The following CDH22 variants were observed in gnomAD, a reference collection of about 807,000 sequenced individuals.
The protein encoded by CDH22 is cadherin 22, also known as cadherin-22.
A neutral mutation model predicts 58.4 loss-of-function variants in CDH22; 30 were observed. The ratio of observed to expected loss-of-function variants is 0.51; its 90% CI spans 0.38 to 0.70. CDH22 has a LOEUF of 0.70. CDH22 is among the 30% of genes least tolerant of loss of function. The probability of loss-of-function intolerance (pLI) is 0.00; values close to 1 mark genes in which losing one functional copy is unlikely to be tolerated. For missense variants in CDH22, 1,014 were observed against 1,233.9 expected, an observed-to-expected ratio of 0.82 and a Z score of 2.67; for synonymous variants, 513 against 558.2, an observed-to-expected ratio of 0.92 and a Z score of 1.14.
intron 4 of CDH22, among the ~76,000 whole-genome samples, chr20:46,221,311 G>A (rs771821948): frequency 5.9e-4 from 80 of 134,800 alleles, no homozygotes; most frequent in Non-Finnish European, 1.2e-3. Context: ...AGCTCTAGAT[G>A]ACTGATAGAG....
intron 2 of CDH22, among the ~76,000 whole-genome samples, chr20:46,244,278 C>G (rs2086312878): frequency 6.6e-6 from 1 of 152,174 alleles, no homozygotes; most frequent in African/African-American, 2.4e-5. Flanking sequence ...AGAGCTCACG[C>G]TGGGGCCTAC....
At chr20:46,211,058 A>AG (rs1222738967) in intron 6 of CDH22, among the ~76,000 whole-genome samples, 2 of 152,216 alleles carry the variant, frequency 1.3e-5, no homozygotes, top group Non-Finnish European at 2.9e-5. Flanking sequence ...CCTGGTATGC[A>AG]GGAGTTAGCA....
intron 5 of CDH22, among the ~76,000 whole-genome samples, chr20:46,214,007 A>G (rs1310824024): frequency 6.6e-6 from 1 of 152,204 alleles, no homozygotes; most frequent in African/African-American, 2.4e-5. Context: ...GCAGTTTTAA[A>G]TAGGCTGATC....
intron 2 of CDH22, among the ~76,000 whole-genome samples, chr20:46,246,756 T>G (rs1165171173): frequency 6.6e-6 from 1 of 152,140 alleles, no homozygotes; most frequent in African/African-American, 2.4e-5. Flanking sequence ...GGGTTCACTC[T>G]GCGGATGGTG....
In CDH22 at chr20:46,199,563, C is replaced by CG. The variant is rs749121361; in HGVS notation, c.1287-5dup. The CG allele has an allele frequency of 3.7e-6, 6 of 1,613,180 alleles. No individual in the cohort carries two copies. The highest frequency in any genetic ancestry group is 3.3e-5 in the South Asian group (3 of 90,790). On this transcript the variant is annotated splice_polypyrimidine_tract_variant and splice_region_variant and intron_variant, in intron 7 of 11. Coordinates refer to ENST00000537909, the MANE Select transcript of CDH22 (RefSeq NM_021248.3). ...TGATTCGCGGTCAATGGCGTACCTG[C>CG]GGGGGGCAGGGCAGGGCTGATTGAA...
In CDH22 at chr20:46,174,329, A is replaced by C. The variant is rs1372971960; in HGVS notation, c.*177T>G. The C allele has an allele frequency of 9.5e-6, 5 of 528,424 alleles. No individual in the cohort carries two copies. The highest frequency in any genetic ancestry group is 1.3e-5 in the Non-Finnish European group (4 of 306,218). The allele number at this position is 528,424 out of a possible 1,614,324, so 32.7% of individuals were successfully genotyped here. On this transcript the variant is annotated 3_prime_UTR_variant, in exon 12 of 12. Coordinates refer to ENST00000537909, the MANE Select transcript of CDH22 (RefSeq NM_021248.3). The surrounding 1 kb of genome is among the most constrained non-coding windows in gnomAD (Gnocchi z 4.4). ...CCGCACCTCTGGGCTCCAAAGCTGC[A>C]CCCCTAGAGGAGGAGGAATGGAAGA...
Position 46,213,031 on chromosome 20 carries a change from G to C in CDH22, c.996C>G (p.Asp332Glu). 6.2e-7 allele frequency: 1 copy of C among 1,614,202 alleles called. No homozygotes were observed. The highest frequency in any genetic ancestry group is 8.5e-7 in the Non-Finnish European group (1 of 1,180,022). The change falls in exon 6 of 12, where the codon GAC (aspartate) becomes GAG (glutamate). Residue 332 changes from aspartate to glutamate, a missense_variant. Physicochemically the swap from Asp to Glu is conservative, Grantham distance 45. Coordinates refer to ENST00000537909, the MANE Select transcript of CDH22 (RefSeq NM_021248.3). ...CGATGATGGCCTCCTGAGTGTCGCT[G>C]TCTGTGGTGACCTTGAACACATCGC... ...SGGDVFKVTT[D>E]SDTQEAIIVV...
rs770837198 is a variant in CDH22 at position 46,213,061 on chromosome 20, G to A, written c.966C>T (p.Ser322=). 78 of 1,614,038 alleles carry A rather than the reference G, an allele frequency of 4.8e-5. No individual in the cohort carries two copies. The highest frequency in any genetic ancestry group is 1.8e-4 in the Admixed American group (11 of 60,004). The change falls in exon 6 of 12, where the codon AGC becomes AGT. Residue 322 remains serine (S), a synonymous_variant. Coordinates refer to ENST00000537909, the MANE Select transcript of CDH22 (RefSeq NM_021248.3). The part of the protein sequence containing the change: ...MTYHLKDESS[S]GGDVFKVTTD... ...TGGTGACCTTGAACACATCGCCGCCGCTGCTGCTCTCGTCCTTAAGGTGGT... is the reference window on the plus strand; with the variant it reads ...TGGTGACCTTGAACACATCGCCGCCACTGCTGCTCTCGTCCTTAAGGTGGT...
chr20:46,292,244 G>A (rs903544326), intron 1 of CDH22, among the ~76,000 whole-genome samples: 1 of 152,232 alleles, frequency 6.6e-6, no homozygotes, highest in South Asian at 2.1e-4. Flanking sequence ...CCAACGATAT[G>A]GCAGGAGCTG....
At chr20:46,276,415 C>T (rs182317921) in intron 1 of CDH22, among the ~76,000 whole-genome samples, 5 of 152,270 alleles carry the variant, frequency 3.3e-5, no homozygotes, top group Admixed American at 2.6e-4. Context: ...TTAGCTAGTC[C>T]GGCTGGGAGA....
At chr20:46,232,002 T>C (rs540142291) in intron 3 of CDH22, among the ~76,000 whole-genome samples, 180 of 152,234 alleles carry the variant, frequency 1.2e-3, no homozygotes, top group Non-Finnish European at 1.9e-3. Flanking sequence ...CTCCGTATCA[T>C]CAGGAGGCAC....
At chr20:46,288,179 A>G (rs1328160516) in intron 1 of CDH22, among the ~76,000 whole-genome samples, 4 of 152,098 alleles carry the variant, frequency 2.6e-5, no homozygotes, top group East Asian at 3.9e-4. Flanking sequence ...TCCTTCCCCA[A>G]TCTTGTCTGA....
At chr20:46,200,474 G>T (rs1421759042) in intron 7 of CDH22, among the ~76,000 whole-genome samples, 1 of 150,028 alleles carries the variant, frequency 6.7e-6, no homozygotes, top group African/African-American at 2.5e-5. Flanking sequence ...CAGAGACAGG[G>T]TTTCGCTATG....
intron 8 of CDH22, among the ~76,000 whole-genome samples, chr20:46,192,278 A>G (rs1217591369): frequency 6.6e-6 from 1 of 152,180 alleles, no homozygotes; most frequent in Non-Finnish European, 1.5e-5. Flanking sequence ...ATTTCTGACC[A>G]TGGCCACGCT....
chr20:46,184,883 C>T (rs1434924505), intron 10 of CDH22, among the ~76,000 whole-genome samples: 1 of 151,980 alleles, frequency 6.6e-6, no homozygotes, highest in African/African-American at 2.4e-5. Flanking sequence ...GTCAGGAGTT[C>T]GAGACCAGCC....
At chr20:46,220,841 C>T (rs2086118867) in intron 4 of CDH22, 1 of 152,436 alleles carries the variant, frequency 6.6e-6, no homozygotes, top group Non-Finnish European at 1.5e-5. Flanking sequence ...CCCCCTGGGC[C>T]TTGTTCTCGG....
intron 1 of CDH22, among the ~76,000 whole-genome samples, chr20:46,291,901 G>A (rs935370367): frequency 6.6e-6 from 1 of 152,224 alleles, no homozygotes; most frequent in Non-Finnish European, 1.5e-5. Flanking sequence ...ATGGCTGGCC[G>A]TATTCTTGGC....
At chr20:46,221,161 C>G (rs528734677) in intron 4 of CDH22, among the ~76,000 whole-genome samples, 12 of 152,314 alleles carry the variant, frequency 7.9e-5, no homozygotes, top group Non-Finnish European at 1.8e-4. Context: ...AGCGACCCGA[C>G]AGCTGACTGT....
Position 46,213,118 on chromosome 20 carries a change from GTCC to G in CDH22, c.906_908del (p.Glu302del). On this transcript the variant is annotated inframe_deletion, in exon 6 of 12. Coordinates refer to ENST00000537909, the MANE Select transcript of CDH22 (RefSeq NM_021248.3). ...TGTCTGTGTTCTCTCCCACGTCTGA[GTCC>G]TCAGCCTTCACACGTCCCACAGCCG... 1 of 1,614,144 alleles carries G rather than the reference GTCC, an allele frequency of 6.2e-7. No homozygotes were observed.
Sources: allele counts gnomAD v4.1 joint callset (sites outside exome capture counted in the v4.1 genomes callset), GRCh38; gene constraint gnomAD v4.1.1; non-coding constraint Gnocchi (gnomAD v3.1); transcripts MANE v1.5; gene names NCBI Gene and HGNC (gene_info 2026-07-23, HGNC 2026-07-21).